Variants in PDGFRL observed in about 807,000 individuals in gnomAD.
PDGFRL encodes platelet-derived growth factor receptor-like protein.
PDGFRL carries 46 observed loss-of-function variants against 37.2 expected under a neutral mutation model. The observed-to-expected ratio is 1.24, with a 90% confidence interval of 0.98 to 1.58. The LOEUF (loss-of-function observed/expected upper bound fraction) is 1.58, where lower values mean the gene tolerates loss of function less well. PDGFRL is among the 40% of genes most tolerant of loss of function. The pLI, the probability that PDGFRL is intolerant of heterozygous loss-of-function variation, is 0.00. For synonymous variants in PDGFRL, 251 were observed against 184.3 expected (o/e 1.36, Z -2.93); for missense variants, 692 against 467.6 (o/e 1.48, Z -4.43).
chr8:17,627,489 C>T (rs550430167), intron 3 of PDGFRL, among the ~76,000 whole-genome samples: 29 of 140,690 alleles, frequency 2.1e-4, no homozygotes, highest in African/African-American at 3.3e-4. Flanking sequence ...TTTTTTGAGA[C>T]GCAATCTTGC....
chr8:17,635,710 T>C (rs1419606658), intron 5 of PDGFRL, among the ~76,000 whole-genome samples: 1 of 152,210 alleles, frequency 6.6e-6, no homozygotes, highest in African/African-American at 2.4e-5. Flanking sequence ...CAGTTTTCCA[T>C]AGTGGTTGTA....
chr8:17,641,416 A>G (rs1040914075), intron 5 of PDGFRL, among the ~76,000 whole-genome samples: 5 of 152,092 alleles, frequency 3.3e-5, no homozygotes, highest in African/African-American at 1.2e-4. Context: ...CTGTGAGACA[A>G]AGTCAGAAAT....
At chr8:17,642,495 T>C (rs2129877357) in intron 5 of PDGFRL, 118 bp from the exon 6 acceptor site, 1 of 683,026 alleles carries the variant, frequency 1.5e-6, no homozygotes. Context: ...TACTAAACAG[T>C]CTTTTATAAG....
chr8:17,596,383 A>C, intron 2 of PDGFRL: 1 of 1,108,696 alleles, frequency 9.0e-7, no homozygotes, highest in Non-Finnish European at 1.1e-6. Context: ...TGCCTCCAAT[A>C]CCACGTACAT....
chr8:17,607,713 G>A (rs1804313228), intron 2 of PDGFRL, among the ~76,000 whole-genome samples: 1 of 152,162 alleles, frequency 6.6e-6, no homozygotes, highest in Non-Finnish European at 1.5e-5. Flanking sequence ...GGGATTTAAT[G>A]CTCAAATGTA....
intron 2 of PDGFRL, among the ~76,000 whole-genome samples, chr8:17,611,599 G>A (rs1804413611): frequency 6.6e-6 from 1 of 152,190 alleles, no homozygotes; most frequent in African/African-American, 2.4e-5. Context: ...ATGAGCCGAT[G>A]TGTCTGGGTT....
At chr8:17,600,671 T>C (rs1266148337) in intron 2 of PDGFRL, among the ~76,000 whole-genome samples, 4 of 151,634 alleles carry the variant, frequency 2.6e-5, no homozygotes, top group Non-Finnish European at 5.9e-5. Context: ...GGTGTGGTGG[T>C]ACATGCCTGT....
chr8:17,603,613 C>T (rs1354204073), intron 2 of PDGFRL, among the ~76,000 whole-genome samples: 1 of 152,164 alleles, frequency 6.6e-6, no homozygotes, highest in East Asian at 1.9e-4. Context: ...GACTCCTCTG[C>T]CCTGTTCCTT....
intron 3 of PDGFRL, among the ~76,000 whole-genome samples, chr8:17,621,985 G>C (rs911484218): frequency 6.6e-6 from 1 of 152,096 alleles, no homozygotes; most frequent in East Asian, 1.9e-4. Flanking sequence ...GTTTGTTCTT[G>C]TGAATACTAT....
intron 1 of PDGFRL, among the ~76,000 whole-genome samples, chr8:17,586,466 T>C (rs900299737): frequency 2.0e-5 from 3 of 152,160 alleles, no homozygotes; most frequent in African/African-American, 7.2e-5. Flanking sequence ...AATCTCTAAG[T>C]GGATGGAGAG....
intron 2 of PDGFRL, among the ~76,000 whole-genome samples, chr8:17,616,436 A>G (rs919287555): frequency 1.3e-5 from 2 of 151,836 alleles, no homozygotes; most frequent in African/African-American, 4.8e-5. Flanking sequence ...GTCGTGATCC[A>G]CCCACCTCGG....
chr8:17,617,019 C>T (rs1184476005), intron 2 of PDGFRL, among the ~76,000 whole-genome samples: 1 of 152,198 alleles, frequency 6.6e-6, no homozygotes, highest in East Asian at 1.9e-4. Context: ...AGGCCACCCC[C>T]AGGAGAGAGC....
At chr8:17,597,099 C>A (rs1804070272) in intron 2 of PDGFRL, among the ~76,000 whole-genome samples, 2 of 152,216 alleles carry the variant, frequency 1.3e-5, no homozygotes, top group Non-Finnish European at 2.9e-5. Context: ...CAGCTCACTG[C>A]AACCTCTACC....
chr8:17,621,046 C>G lies in PDGFRL; in HGVS notation c.354-5C>G, dbSNP rs773814271. On this transcript the variant is annotated splice_polypyrimidine_tract_variant and splice_region_variant and intron_variant, in intron 2 of 5. Coordinates refer to ENST00000251630, the MANE Select transcript of PDGFRL (RefSeq NM_001372073.1). ...GCTTTGAGTTCATGTGTCTTTTATT[C>G]CTAGCGTCAAGCAGAATGAGCGCTA... 3.8e-6 allele frequency: 6 copies of G among 1,591,786 alleles called. 1 individual carries two copies. The Admixed American group carries it at 1.0e-4, about 27-fold the overall frequency.
At chr8:17,608,005 C>A (rs1383241400) in intron 2 of PDGFRL, among the ~76,000 whole-genome samples, 1 of 152,224 alleles carries the variant, frequency 6.6e-6, no homozygotes, top group East Asian at 1.9e-4. Context: ...TGGGCAGCTG[C>A]TAAGTTGCTG....
chr8:17,593,720 C>A (rs1048399466), intron 2 of PDGFRL, among the ~76,000 whole-genome samples: 5 of 151,748 alleles, frequency 3.3e-5, no homozygotes, highest in Non-Finnish European at 5.9e-5. Context: ...CACAGCGAAA[C>A]CCCGTCTCTA....
At chr8:17,604,144 A>T (rs555466965) in intron 2 of PDGFRL, among the ~76,000 whole-genome samples, 3 of 152,324 alleles carry the variant, frequency 2.0e-5, no homozygotes, top group Admixed American at 2.0e-4. Flanking sequence ...GTGGGACTGT[A>T]AACTAGTTCA....
intron 2 of PDGFRL, among the ~76,000 whole-genome samples, chr8:17,597,395 C>G (rs912784609): frequency 1.3e-5 from 2 of 152,238 alleles, no homozygotes; most frequent in Non-Finnish European, 2.9e-5. Context: ...AATCTTCTGA[C>G]TGCTTCATCT....
chr8:17,593,365 G>A lies in PDGFRL; in HGVS notation c.353+3600G>A, dbSNP rs143971359. Among the ~76,000 whole-genome samples, 676 of 151,968 alleles carry A rather than the reference G, an allele frequency of 4.4e-3. 4 individuals are homozygous for A. Among genetic ancestry groups the A allele is most frequent in the Non-Finnish European group, 7.4e-3 (502 of 67,976 alleles). On this transcript the variant is annotated intron_variant, in intron 2 of 5. Transcript: ENST00000251630. ...CCAGCACTTTGGGAGGCCAAGGTGG[G>A]CGGATCACTTGAACCCAGGAGTTCA...
Sources: gnomAD v4.1 joint callset for allele counts (sites outside exome capture counted in the v4.1 genomes callset) on GRCh38, gnomAD v4.1.1 for gene constraint, MANE v1.5 for transcripts, NCBI Gene and HGNC (gene_info 2026-07-23, HGNC 2026-07-21) for gene names.